ELAVL4: variants seen among roughly 807,000 people sequenced by gnomAD.
The protein encoded by ELAVL4 is ELAV-like protein 4.
A neutral mutation model predicts 35.6 loss-of-function variants in ELAVL4; 1 was observed. The ratio of observed to expected loss-of-function variants is 0.03; its 90% CI spans 0.01 to 0.13. The LOEUF (loss-of-function observed/expected upper bound fraction) is 0.13, where lower values mean the gene tolerates loss of function less well. ELAVL4 is among the 10% of genes least tolerant of loss of function. The pLI is 1.00. For missense variants in ELAVL4, 267 were observed against 464.9 expected, an observed-to-expected ratio of 0.57 and a Z score of 3.91; for synonymous variants, 156 against 171.0, an observed-to-expected ratio of 0.91 and a Z score of 0.69.
chr1:50,161,540 C>A (rs1676809610), intron 2 of ELAVL4, among the ~76,000 whole-genome samples: 1 of 152,000 alleles, frequency 6.6e-6, no homozygotes, highest in South Asian at 2.1e-4. Context: ...AATTTCCTTT[C>A]TTTTCTGAAC....
At chr1:50,100,990 T>TG (rs1313029151), upstream of ELAVL4, among the ~76,000 whole-genome samples, 1 of 151,148 alleles carries the variant, frequency 6.6e-6, no homozygotes, top group Non-Finnish European at 1.5e-5. Flanking sequence ...TCCACCAAGT[T>TG]TTTTTTTTTT....
intron 1 of ELAVL4, among the ~76,000 whole-genome samples, chr1:50,051,371 G>A (rs943172701): frequency 6.6e-6 from 1 of 152,168 alleles, no homozygotes; most frequent in Non-Finnish European, 1.5e-5. Flanking sequence ...AATATTAGCT[G>A]AATGTAAGGG....
At chr1:50,089,129 G>C (rs1342054410) in intron 1 of ELAVL4, among the ~76,000 whole-genome samples, 2 of 152,170 alleles carry the variant, frequency 1.3e-5, no homozygotes, top group Non-Finnish European at 2.9e-5. Flanking sequence ...CTAGGATAAA[G>C]AGAACCAGAA....
At chr1:50,166,396 A>G (rs1677926497) in intron 2 of ELAVL4, among the ~76,000 whole-genome samples, 1 of 152,230 alleles carries the variant, frequency 6.6e-6, no homozygotes, top group Admixed American at 6.5e-5. Context: ...GCTGATATGA[A>G]GTCAATAAAT....
intron 1 of ELAVL4, among the ~76,000 whole-genome samples, chr1:50,086,313 T>A (rs4462194): frequency 6.6e-6 from 1 of 151,892 alleles, no homozygotes; most frequent in Non-Finnish European, 1.5e-5. Flanking sequence ...TATAAAGGAA[T>A]GTTGAAATTG....
chr1:50,200,743 G>A, intron 6 of ELAVL4, 108 bp from the exon 7 acceptor site: 1 of 1,530,024 alleles, frequency 6.5e-7, no homozygotes, highest in South Asian at 1.3e-5. Flanking sequence ...AGACTCTCCT[G>A]TAAACACTCA....
intron 2 of ELAVL4, among the ~76,000 whole-genome samples, chr1:50,149,227 G>A (rs1019933253): frequency 4.0e-5 from 6 of 151,802 alleles, no homozygotes; most frequent in Non-Finnish European, 7.4e-5. Context: ...GTGAAACCCC[G>A]TCTCTACTAA....
At chr1:50,156,437 C>T (rs1382861945) in intron 2 of ELAVL4, among the ~76,000 whole-genome samples, 1 of 152,062 alleles carries the variant, frequency 6.6e-6, no homozygotes, top group Non-Finnish European at 1.5e-5. Context: ...AGGGTGTTAG[C>T]CCTGGGCCAA....
At chr1:50,191,678 G>A (rs1481284526) in intron 3 of ELAVL4, among the ~76,000 whole-genome samples, 1 of 151,956 alleles carries the variant, frequency 6.6e-6, no homozygotes, top group East Asian at 1.9e-4. Flanking sequence ...GAACACTGCT[G>A]GGGAGATTTT....
chr1:50,181,445 A>G (rs1308062380), intron 3 of ELAVL4: 1 of 152,236 alleles, frequency 6.6e-6, no homozygotes, highest in Non-Finnish European at 1.5e-5. Flanking sequence ...TGAATCAGAA[A>G]TGACAGTGCC....
chr1:50,088,627 T>C (rs1379367091), intron 1 of ELAVL4, among the ~76,000 whole-genome samples: 2 of 152,176 alleles, frequency 1.3e-5, no homozygotes, highest in Non-Finnish European at 2.9e-5. Flanking sequence ...CCCAAGCCTC[T>C]TAAACTTCTT....
upstream of ELAVL4, among the ~76,000 whole-genome samples, chr1:50,108,034 G>C (rs917024116): frequency 1.2e-4 from 18 of 152,218 alleles, no homozygotes; most frequent in African/African-American, 4.3e-4. Flanking sequence ...AAATGAGGCT[G>C]TTGTCAAAAG....
At chr1:50,129,129 G>C (rs1373834356) in intron 1 of ELAVL4, among the ~76,000 whole-genome samples, 3 of 152,010 alleles carry the variant, frequency 2.0e-5, no homozygotes, top group African/African-American at 7.2e-5. Context: ...TGTAAGTGAG[G>C]GTTTTGTAAG....
At chr1:50,062,170 G>C (rs554207290) in intron 1 of ELAVL4, among the ~76,000 whole-genome samples, 2 of 152,282 alleles carry the variant, frequency 1.3e-5, no homozygotes, top group Admixed American at 1.3e-4. Context: ...GAAGTATATA[G>C]ATGAATAACA....
intron 2 of ELAVL4, among the ~76,000 whole-genome samples, chr1:50,150,954 A>T (rs1322865284): frequency 6.6e-6 from 1 of 152,258 alleles, no homozygotes; most frequent in South Asian, 2.1e-4. Flanking sequence ...TAAATAATAA[A>T]TCAAGCTATC....
chr1:50,194,818 A>G (rs924334799), intron 4 of ELAVL4, among the ~76,000 whole-genome samples: 1 of 152,180 alleles, frequency 6.6e-6, no homozygotes, highest in African/African-American at 2.4e-5. Context: ...AGTTTGGAGG[A>G]TGTTTCAGAG....
In ELAVL4 at chr1:50,109,015, T is replaced by TGGGGGGGGGG; in HGVS notation, c.-175_-174insGGGGGGGGGG. On this transcript the variant is annotated 5_prime_UTR_variant, in exon 1 of 7. Transcript: ENST00000371824. ...GCTCCTTTTCTTTTTTTTCTTTCTCTCCCCCGCCCACCCCCCCAAAAATAA... is the reference window on the plus strand; with the variant it reads ...GCTCCTTTTCTTTTTTTTCTTTCTCTGGGGGGGGGGCCCCCGCCCACCCCCCCAAAAATAA... 2.1e-6 allele frequency: 2 copies of TGGGGGGGGGG among 961,042 alleles called. No individual in the cohort carries two copies. Among genetic ancestry groups the TGGGGGGGGGG allele is most frequent in the Non-Finnish European group, 2.4e-6 (2 of 816,926 alleles). 59.5% of individuals were successfully genotyped at this position (961,042 alleles called of 1,614,324 possible). A position where few individuals can be genotyped will look rare whatever the true frequency, so the allele number is the denominator to read the frequency against.
chr1:50,178,763 G>A (rs766949602), intron 3 of ELAVL4, among the ~76,000 whole-genome samples: 2 of 152,126 alleles, frequency 1.3e-5, no homozygotes, highest in Non-Finnish European at 2.9e-5. Context: ...CTTTGATGAG[G>A]CCACACTAGA....
upstream of ELAVL4, among the ~76,000 whole-genome samples, chr1:50,100,282 C>A (rs185652305): frequency 7.2e-5 from 11 of 152,124 alleles, no homozygotes; most frequent in South Asian, 2.1e-4. Flanking sequence ...TTATAAAGAA[C>A]GTACTGAATA....
Sources: allele counts gnomAD v4.1 joint callset (sites outside exome capture counted in the v4.1 genomes callset), GRCh38; gene constraint gnomAD v4.1.1; transcripts MANE v1.5; gene names NCBI Gene and HGNC (gene_info 2026-07-23, HGNC 2026-07-21).